NRXN3: variants seen among roughly 807,000 people sequenced by gnomAD.
The protein encoded by NRXN3 is neurexin III.
A neutral mutation model predicts 137.6 loss-of-function variants in NRXN3; 32 were observed. The observed-to-expected ratio is 0.23, with a 90% confidence interval of 0.18 to 0.31. The LOEUF (loss-of-function observed/expected upper bound fraction) is 0.31. Ranked by LOEUF, NRXN3 falls within the 10% of genes least tolerant of loss-of-function variation. NRXN3 has a pLI of 1.00. For synonymous variants in NRXN3, 798 were observed against 784.5 expected (o/e 1.02, Z -0.29); for missense variants, 1,574 against 2,062.5 (o/e 0.76, Z 4.59).
intron 1 of NRXN3, among the ~76,000 whole-genome samples, chr14:78,214,291 C>T (rs565949305): frequency 1.3e-5 from 2 of 152,172 alleles, no homozygotes; most frequent in African/African-American, 4.8e-5. Context: ...CCAGAAGAGT[C>T]TCTTTCCTTC....
chr14:78,209,446 A>C (rs567925945), intron 1 of NRXN3, among the ~76,000 whole-genome samples: 1 of 152,336 alleles, frequency 6.6e-6, no homozygotes, highest in South Asian at 2.1e-4. Flanking sequence ...CTATAAAGAC[A>C]TGTCTGAGAA....
chr14:79,307,369 C>T (rs1386556841), intron 15 of NRXN3, among the ~76,000 whole-genome samples: 1 of 152,176 alleles, frequency 6.6e-6, no homozygotes, highest in South Asian at 2.1e-4. Flanking sequence ...TTTAGGTTTA[C>T]CCCTTGTTAT....
chr14:79,853,457 G>C (rs1455411491), intron 20 of NRXN3: 1 of 641,742 alleles, frequency 1.6e-6, no homozygotes, highest in African/African-American at 1.9e-5. Context: ...GATTGTCAGT[G>C]TTAGAGTTCT....
At chr14:78,549,249 A>G (rs577941640) in intron 4 of NRXN3, among the ~76,000 whole-genome samples, 1 of 152,296 alleles carries the variant, frequency 6.6e-6, no homozygotes, top group South Asian at 2.1e-4. Context: ...ATTCAGGACC[A>G]TGTTTTGCAC....
At chr14:79,688,741 A>T (rs1035494569) in intron 17 of NRXN3, among the ~76,000 whole-genome samples, 4 of 152,198 alleles carry the variant, frequency 2.6e-5, no homozygotes, top group African/African-American at 9.6e-5. Context: ...GTTCTTCACA[A>T]TATTATAATT....
At chr14:79,178,433 T>C (rs1381760980) in intron 15 of NRXN3, among the ~76,000 whole-genome samples, 2 of 152,214 alleles carry the variant, frequency 1.3e-5, no homozygotes, top group Non-Finnish European at 2.9e-5. Flanking sequence ...ACTCTGTTAT[T>C]GTTAACCACC....
At chr14:79,357,427 G>A (rs2093464505) in intron 15 of NRXN3, among the ~76,000 whole-genome samples, 1 of 152,074 alleles carries the variant, frequency 6.6e-6, no homozygotes, top group Non-Finnish European at 1.5e-5. Flanking sequence ...TTTCGGTTTG[G>A]TTTGGTCAGT....
chr14:79,195,776 T>A (rs1184786604), intron 15 of NRXN3, among the ~76,000 whole-genome samples: 1 of 152,186 alleles, frequency 6.6e-6, no homozygotes, highest in East Asian at 1.9e-4. Context: ...ATCGATGATA[T>A]CCTCCTATAA....
At chr14:78,187,840 C>T (rs376964089) in intron 1 of NRXN3, among the ~76,000 whole-genome samples, 26 of 144,290 alleles carry the variant, frequency 1.8e-4, no homozygotes, top group Admixed American at 7.2e-4. Context: ...GCAGGAGGTA[C>T]GAGAACTCAT....
At chr14:78,833,866 TCTA>T (rs1567455061) in intron 10 of NRXN3, among the ~76,000 whole-genome samples, 1 of 152,202 alleles carries the variant, frequency 6.6e-6, no homozygotes, top group East Asian at 1.9e-4. Context: ...AAAACATTCA[TCTA>T]CTATTTATTG....
chr14:78,625,987 G>A (rs1264287625), intron 4 of NRXN3, among the ~76,000 whole-genome samples: 7 of 152,156 alleles, frequency 4.6e-5, no homozygotes, highest in Non-Finnish European at 1.0e-4. Context: ...GAGTTGTGAC[G>A]GCTCCACACA....
chr14:78,277,546 A>G (rs961160966), intron 2 of NRXN3, among the ~76,000 whole-genome samples: 1 of 152,286 alleles, frequency 6.6e-6, no homozygotes, highest in Non-Finnish European at 1.5e-5. Flanking sequence ...TCTTAACAAA[A>G]AAGAACTAAA....
intron 15 of NRXN3, among the ~76,000 whole-genome samples, chr14:79,426,776 A>G (rs1271973322): frequency 6.6e-6 from 1 of 152,212 alleles, no homozygotes; most frequent in East Asian, 1.9e-4. Context: ...AGTTGCTGGA[A>G]GCAAGAGATA....
chr14:78,850,724 G>A lies in NRXN3; in HGVS notation c.2275+40380G>A, dbSNP rs185790500. Among the ~76,000 whole-genome samples the A allele has an allele frequency of 7.2e-5, 11 of 152,160 alleles. No homozygotes were observed. In the East Asian group the frequency reaches 1.2e-3, roughly 16 times the overall value. Reference sequence around the variant, plus strand: ...ATGTTATAATTTAGATCATGTGACCGAAATACCACCACCGCTGGGTAGAAT... The same window carrying A: ...ATGTTATAATTTAGATCATGTGACCAAAATACCACCACCGCTGGGTAGAAT... On this transcript the variant is annotated intron_variant, in intron 10 of 20. Coordinates refer to ENST00000335750, the MANE Select transcript of NRXN3 (RefSeq NM_001330195.2).
intron 8 of NRXN3, among the ~76,000 whole-genome samples, chr14:78,715,793 C>T (rs942555519): frequency 1.3e-5 from 2 of 152,074 alleles, no homozygotes; most frequent in South Asian, 2.1e-4. Context: ...TCACAAGATA[C>T]TGATGATGAT....
intron 1 of NRXN3, among the ~76,000 whole-genome samples, chr14:78,211,310 A>G (rs1030957475): frequency 6.6e-6 from 1 of 152,194 alleles, no homozygotes; most frequent in African/African-American, 2.4e-5. Flanking sequence ...TGGCACACAC[A>G]GAAGGGGGAT....
chr14:78,497,548 T>A (rs2095805644), intron 4 of NRXN3, among the ~76,000 whole-genome samples: 1 of 152,096 alleles, frequency 6.6e-6, no homozygotes, highest in Non-Finnish European at 1.5e-5. Flanking sequence ...CTGCTGTAGA[T>A]CTGTGTAGTA....
At chr14:78,857,212 C>G (rs1344772486) in intron 10 of NRXN3, among the ~76,000 whole-genome samples, 5 of 151,692 alleles carry the variant, frequency 3.3e-5, no homozygotes, top group Non-Finnish European at 7.4e-5. Context: ...TATTTACTGT[C>G]TTTGCCAGGC....
At chr14:79,701,519 T>C (rs1428268413) in intron 19 of NRXN3, among the ~76,000 whole-genome samples, 1 of 152,038 alleles carries the variant, frequency 6.6e-6, no homozygotes, top group East Asian at 1.9e-4. Flanking sequence ...TCTCTATGTA[T>C]TCTCTGGGAT....
Sources: allele counts gnomAD v4.1 joint callset (sites outside exome capture counted in the v4.1 genomes callset), GRCh38; gene constraint gnomAD v4.1.1; transcripts MANE v1.5; gene names NCBI Gene and HGNC (gene_info 2026-07-23, HGNC 2026-07-21).